The following LRRC7 variants were observed in gnomAD, a reference collection of about 807,000 sequenced individuals.
LRRC7 encodes the protein leucine rich repeat containing 7.
A neutral mutation model predicts 175.7 loss-of-function variants in LRRC7; 23 were observed. The observed-to-expected ratio is 0.13, with a 90% CI of 0.09 to 0.19. The LOEUF is 0.19. LRRC7 is among the 10% of genes least tolerant of loss of function. The probability of loss-of-function intolerance (pLI) is 1.00; values close to 1 mark genes in which losing one functional copy is unlikely to be tolerated. For missense variants in LRRC7, 1,354 were observed against 1,904.7 expected, an observed-to-expected ratio of 0.71 and a Z score of 5.38; for synonymous variants, 685 against 680.9, an observed-to-expected ratio of 1.01 and a Z score of -0.09.
chr1:69,834,693 AT>A, intron 5 of LRRC7, 86 bp from the exon 6 acceptor site: 1 of 979,240 alleles, frequency 1.0e-6, no homozygotes. Context: ...TTACATTTCT[AT>A]TTTTTCTCCT....
At chr1:69,948,617 T>C (rs768567131) in intron 8 of LRRC7, among the ~76,000 whole-genome samples, 26 of 152,098 alleles carry the variant, frequency 1.7e-4, no homozygotes, top group Non-Finnish European at 3.1e-4. Flanking sequence ...CTTCTTTATA[T>C]GACCAATTCC....
At chr1:69,888,198 C>A (rs533043434) in intron 7 of LRRC7, among the ~76,000 whole-genome samples, 2 of 151,924 alleles carry the variant, frequency 1.3e-5, no homozygotes, top group Non-Finnish European at 2.9e-5. Context: ...TGGGCAATGG[C>A]GGTCGCCCCT....
At chr1:69,658,128 A>AT (rs1656923358) in intron 1 of LRRC7, among the ~76,000 whole-genome samples, 1 of 151,842 alleles carries the variant, frequency 6.6e-6, no homozygotes, top group Non-Finnish European at 1.5e-5. Flanking sequence ...AGTGTTAGAG[A>AT]TTTTGGAATG....
chr1:69,724,086 A>G (rs1376707447), intron 2 of LRRC7, among the ~76,000 whole-genome samples: 1 of 152,214 alleles, frequency 6.6e-6, no homozygotes, highest in East Asian at 1.9e-4. Flanking sequence ...AAAATCTAGC[A>G]CTATCTTCTA....
intron 2 of LRRC7, among the ~76,000 whole-genome samples, chr1:69,694,842 A>G (rs113930146): frequency 0.02 from 3,111 of 152,146 alleles, 86 homozygotes; most frequent in African/African-American, 0.071. Context: ...CTAGAAGCAG[A>G]TGCTGGCACC....
At chr1:70,034,866 ACCCAAAAGAAT>A (rs1245772691) in intron 18 of LRRC7, among the ~76,000 whole-genome samples, 1 of 152,222 alleles carries the variant, frequency 6.6e-6, no homozygotes, top group Non-Finnish European at 1.5e-5. Flanking sequence ...TACAAACCTA[ACCCAAAAGAAT>A]CCCAAAAGAT....
chr1:69,598,531 G>A (rs1028851665), intron 1 of LRRC7, among the ~76,000 whole-genome samples: 22 of 152,060 alleles, frequency 1.4e-4, no homozygotes, highest in Admixed American at 5.9e-4. Flanking sequence ...CTTCTTGCTA[G>A]GGGAAGTCAA....
intron 2 of LRRC7, among the ~76,000 whole-genome samples, chr1:69,709,831 ATGTG>A (rs1212128968): frequency 1.3e-5 from 2 of 152,174 alleles, no homozygotes; most frequent in Non-Finnish European, 2.9e-5. Context: ...TTATGCAACT[ATGTG>A]TGTGGATATA....
chr1:69,880,373 A>C (rs1459136906), intron 7 of LRRC7, among the ~76,000 whole-genome samples: 1 of 152,232 alleles, frequency 6.6e-6, no homozygotes, highest in Admixed American at 6.5e-5. Context: ...GGGGATGATC[A>C]GGGCAGAAGA....
At chr1:69,571,367 T>C (rs1645733073) in intron 1 of LRRC7, among the ~76,000 whole-genome samples, 1 of 152,242 alleles carries the variant, frequency 6.6e-6, no homozygotes, top group Non-Finnish European at 1.5e-5. Context: ...TTTAAGCTTT[T>C]AATTTTTCTA....
At chr1:69,945,691 A>C (rs182866925) in intron 8 of LRRC7, among the ~76,000 whole-genome samples, 4 of 152,198 alleles carry the variant, frequency 2.6e-5, no homozygotes, top group Admixed American at 2.6e-4. Context: ...AACATTTTAT[A>C]GTTTTCAGTG....
At chr1:69,969,189 C>T (rs1239711169) in intron 8 of LRRC7, among the ~76,000 whole-genome samples, 1 of 152,048 alleles carries the variant, frequency 6.6e-6, no homozygotes, top group Non-Finnish European at 1.5e-5. Flanking sequence ...ATAAATCACA[C>T]AGAACCTATA....
At position 69,765,083 on chromosome 1, in the gene LRRC7, A is replaced by T. The variant is rs114093562; in HGVS notation, c.303+4690A>T. 4.3e-3 allele frequency among the ~76,000 whole-genome samples: 654 copies of T among 152,154 alleles called. 1 individual carries two copies. The highest frequency in any genetic ancestry group is 0.015 in the African/African-American group (608 of 41,524). Reference sequence around the variant, plus strand: ...GTTCTGACCCTACACACTTACATCAACACATTTGTGATAATACCACTACTT... The same window carrying T: ...GTTCTGACCCTACACACTTACATCATCACATTTGTGATAATACCACTACTT... On this transcript the variant is annotated intron_variant, in intron 3 of 26. Transcript: ENST00000651989.
chr1:69,996,830 T>C (rs1404001087), intron 11 of LRRC7, among the ~76,000 whole-genome samples: 15 of 151,678 alleles, frequency 9.9e-5, no homozygotes, highest in Admixed American at 1.3e-4. Flanking sequence ...AGTCAGGTAG[T>C]GTGATGCCTC....
chr1:69,615,661 T>A (rs116079691), intron 1 of LRRC7, among the ~76,000 whole-genome samples: 4,125 of 152,144 alleles, frequency 0.027, 71 homozygotes, highest in South Asian at 0.05. Context: ...CAATTTTATA[T>A]ACATGCATAT....
chr1:70,102,348 T>C (rs1664858038), intron 25 of LRRC7, among the ~76,000 whole-genome samples: 1 of 152,154 alleles, frequency 6.6e-6, no homozygotes, highest in Non-Finnish European at 1.5e-5. Flanking sequence ...GAGGTGCCAA[T>C]GTCCCCTTAT....
intron 7 of LRRC7, among the ~76,000 whole-genome samples, chr1:69,888,153 G>T (rs372375700): frequency 6.8e-6 from 1 of 147,390 alleles, no homozygotes; most frequent in Non-Finnish European, 1.5e-5. Flanking sequence ...CACCCAGTTT[G>T]AGCTTCCTGG....
intron 8 of LRRC7, among the ~76,000 whole-genome samples, chr1:69,956,367 A>G (rs1202036234): frequency 6.6e-6 from 1 of 151,840 alleles, no homozygotes; most frequent in Non-Finnish European, 1.5e-5. Flanking sequence ...ACAGAGCTGC[A>G]TATGGGATTG....
chr1:69,573,605 C>T (rs543511465), intron 1 of LRRC7, among the ~76,000 whole-genome samples: 1 of 152,064 alleles, frequency 6.6e-6, no homozygotes, highest in African/African-American at 2.4e-5. Context: ...TGATGATGCA[C>T]TTGATAATTA....
Sources: gnomAD v4.1 joint callset for allele counts (sites outside exome capture counted in the v4.1 genomes callset) on GRCh38, gnomAD v4.1.1 for gene constraint, MANE v1.5 for transcripts, NCBI Gene and HGNC (gene_info 2026-07-23, HGNC 2026-07-21) for gene names.